TMC1: variants seen among roughly 807,000 people sequenced by gnomAD.
TMC1 encodes transmembrane channel like 1, also known as transmembrane channel-like protein 1.
A neutral mutation model predicts 105.8 loss-of-function variants in TMC1; 84 were observed. The observed-to-expected ratio is 0.79, with a 90% CI of 0.67 to 0.95. TMC1 has a LOEUF of 0.95. Ranked by LOEUF, TMC1 falls within the 40% of genes least tolerant of loss-of-function variation. TMC1 has a pLI of 0.00. For synonymous variants in TMC1, 315 were observed against 311.5 expected (o/e 1.01, Z -0.12); for missense variants, 817 against 914.1 (o/e 0.89, Z 1.37).
intron 8 of TMC1, among the ~76,000 whole-genome samples, chr9:72,707,061 C>T (rs2117893672): frequency 6.6e-6 from 1 of 152,330 alleles, no homozygotes; most frequent in South Asian, 2.1e-4. Context: ...AGGCGTAAGC[C>T]ACCATGCCAG....
intron 2 of TMC1, among the ~76,000 whole-genome samples, chr9:72,609,443 G>A (rs1824985966): frequency 6.6e-6 from 1 of 152,090 alleles, no homozygotes; most frequent in Non-Finnish European, 1.5e-5. Context: ...AGAAGGGTGA[G>A]GTGGGCGAAT....
intron 13 of TMC1, among the ~76,000 whole-genome samples, chr9:72,783,007 T>A (rs778430576): frequency 1.3e-5 from 2 of 151,968 alleles, no homozygotes; most frequent in African/African-American, 2.4e-5. Context: ...AAAAAAAATT[T>A]AAAAAGCTGG....
At chr9:72,667,480 C>G (rs1311733018) in intron 5 of TMC1, among the ~76,000 whole-genome samples, 2 of 152,180 alleles carry the variant, frequency 1.3e-5, no homozygotes, top group African/African-American at 4.8e-5. Context: ...ATGTTCCTTC[C>G]TTTTTGTCTT....
chr9:72,568,915 C>A (rs1473400209), intron 1 of TMC1, among the ~76,000 whole-genome samples: 1 of 152,090 alleles, frequency 6.6e-6, no homozygotes, highest in Non-Finnish European at 1.5e-5. Flanking sequence ...AATAGTAAGA[C>A]ACGGAATTAT....
chr9:72,651,251 GGTAGC>G (rs1825810385), intron 5 of TMC1: 1 of 151,894 alleles, frequency 6.6e-6, no homozygotes, highest in South Asian at 2.1e-4. Context: ...GTTTTCATGA[GGTAGC>G]CCATGAAGCG....
intron 23 of TMC1, among the ~76,000 whole-genome samples, chr9:72,835,130 C>T (rs969636693): frequency 1.3e-5 from 2 of 152,040 alleles, no homozygotes; most frequent in African/African-American, 4.8e-5. Flanking sequence ...GTTTATGCAA[C>T]CTTCTCCATC....
At chr9:72,686,558 G>T (rs1826383368) in intron 5 of TMC1, among the ~76,000 whole-genome samples, 1 of 152,194 alleles carries the variant, frequency 6.6e-6, no homozygotes, top group African/African-American at 2.4e-5. Flanking sequence ...GAGGATCTTG[G>T]TAGTGTCTTA....
intron 4 of TMC1, among the ~76,000 whole-genome samples, chr9:72,637,199 A>G (rs1825551484): frequency 6.6e-6 from 1 of 151,838 alleles, no homozygotes; most frequent in Non-Finnish European, 1.5e-5. Context: ...CAGAAATTTC[A>G]TAGGGCCAGA....
At chr9:72,690,814 C>T (rs1432611547) in intron 6 of TMC1, among the ~76,000 whole-genome samples, 2 of 152,046 alleles carry the variant, frequency 1.3e-5, no homozygotes, top group South Asian at 2.1e-4. Context: ...TTTGGGTTCA[C>T]ATAATTTAGG....
rs1192352853 is a variant in TMC1 at position 72,647,045 on chromosome 9, G to A, written c.-52-1552G>A. Reference sequence around the variant, plus strand: ...TAATCCCAGCTACTCGGGAGGCTGAGGCAGGAAAATTGCTTGAACCCAGGA... The same window carrying A: ...TAATCCCAGCTACTCGGGAGGCTGAAGCAGGAAAATTGCTTGAACCCAGGA... On this transcript the variant is annotated intron_variant, in intron 4 of 23. Coordinates refer to ENST00000297784, the MANE Select transcript of TMC1 (RefSeq NM_138691.3). Among the ~76,000 whole-genome samples, 5 of 151,596 alleles carry A rather than the reference G, an allele frequency of 3.3e-5. 1 individual carries two copies. In the South Asian group the frequency reaches 6.2e-4, roughly 19 times the overall value.
intron 22 of TMC1, 21 bp downstream of exon 22, chr9:72,830,550 T>G: frequency 6.2e-7 from 1 of 1,605,030 alleles, no homozygotes; most frequent in Non-Finnish European, 8.5e-7. Context: ...ATTTATTTCA[T>G]AGAAATATTA....
intron 21 of TMC1, among the ~76,000 whole-genome samples, chr9:72,828,604 A>G (rs1239216435): frequency 2.6e-5 from 4 of 152,236 alleles, no homozygotes; most frequent in Admixed American, 2.0e-4. Context: ...TTCAGGTACT[A>G]TTTACACACT....
intron 4 of TMC1, among the ~76,000 whole-genome samples, chr9:72,647,569 C>A (rs1825735512): frequency 6.6e-6 from 1 of 152,140 alleles, no homozygotes; most frequent in Non-Finnish European, 1.5e-5. Context: ...TTCTCTCTTA[C>A]TACTCCAATT....
At chr9:72,817,461 T>A (rs1159136895) in intron 19 of TMC1, among the ~76,000 whole-genome samples, 1 of 152,094 alleles carries the variant, frequency 6.6e-6, no homozygotes, top group Non-Finnish European at 1.5e-5. Context: ...GCAGCTTCTG[T>A]GGGTTCTGAG....
intron 12 of TMC1, among the ~76,000 whole-genome samples, chr9:72,770,412 T>C (rs1012163917): frequency 1.4e-5 from 2 of 145,916 alleles, no homozygotes; most frequent in African/African-American, 5.0e-5. Flanking sequence ...CATATAAAAT[T>C]TGTTGGGTTT....
chr9:72,707,280 T>A (rs1204583529), intron 8 of TMC1, among the ~76,000 whole-genome samples: 3 of 152,212 alleles, frequency 2.0e-5, no homozygotes, highest in Non-Finnish European at 2.9e-5. Context: ...TACCCTGTAG[T>A]GGGATTGCTG....
At chr9:72,581,625 C>T (rs1045814466) in intron 2 of TMC1, among the ~76,000 whole-genome samples, 6 of 152,204 alleles carry the variant, frequency 3.9e-5, no homozygotes, top group African/African-American at 1.4e-4. Flanking sequence ...TTCAAATTCT[C>T]CTCAAATATC....
intron 5 of TMC1, among the ~76,000 whole-genome samples, chr9:72,677,818 T>C (rs1468834038): frequency 1.3e-5 from 2 of 152,154 alleles, no homozygotes; most frequent in Non-Finnish European, 2.9e-5. Flanking sequence ...ACTCATTGAT[T>C]GATCAAGTAA....
At chr9:72,708,471 G>T (rs1452883213) in intron 8 of TMC1, among the ~76,000 whole-genome samples, 2 of 150,430 alleles carry the variant, frequency 1.3e-5, no homozygotes, top group Non-Finnish European at 3.0e-5. Flanking sequence ...CCTTGTAGAA[G>T]TATTTCACCT....
Sources: allele counts gnomAD v4.1 joint callset (sites outside exome capture counted in the v4.1 genomes callset), GRCh38; gene constraint gnomAD v4.1.1; transcripts MANE v1.5; gene names NCBI Gene and HGNC (gene_info 2026-07-23, HGNC 2026-07-21).